COP1: variants seen among roughly 807,000 people sequenced by gnomAD.
COP1 encodes the protein COP1 E3 ubiquitin ligase.
COP1 carries 24 observed loss-of-function variants against 101.3 expected under a neutral mutation model. The ratio of observed to expected loss-of-function variants is 0.24; its 90% CI spans 0.17 to 0.33. The LOEUF is 0.33. Among genes scored for constraint, COP1 ranks in the 10% least tolerant of loss-of-function variants. The pLI is 1.00. For synonymous variants in COP1, 347 were observed against 341.9 expected, an observed-to-expected ratio of 1.01 and a Z score of -0.17; for missense variants, 663 against 906.2, an observed-to-expected ratio of 0.73 and a Z score of 3.45.
intron 5 of COP1, among the ~76,000 whole-genome samples, chr1:176,149,998 C>T (rs374994751): frequency 1.3e-5 from 2 of 152,050 alleles, no homozygotes; most frequent in Non-Finnish European, 2.9e-5. Flanking sequence ...GGCTATGCAA[C>T]AGAATTACCT....
chr1:176,034,881 C>G (rs1161617896), intron 14 of COP1, among the ~76,000 whole-genome samples: 1 of 152,128 alleles, frequency 6.6e-6, no homozygotes, highest in East Asian at 1.9e-4. Flanking sequence ...GCAACAATCA[C>G]CTAGGGAAAG....
intron 3 of COP1, among the ~76,000 whole-genome samples, chr1:176,167,659 A>AC (rs933107014): frequency 2.0e-5 from 3 of 152,158 alleles, no homozygotes; most frequent in African/African-American, 7.2e-5. Flanking sequence ...AGTACAAAAA[A>AC]AAATGCATTT....
intron 11 of COP1, among the ~76,000 whole-genome samples, chr1:176,078,163 CA>C (rs1678416939): frequency 6.6e-6 from 1 of 151,952 alleles, no homozygotes; most frequent in Non-Finnish European, 1.5e-5. Flanking sequence ...TCACATGGAA[CA>C]AAAAAAGAGC....
chr1:175,979,016 A>T (rs1227293919), intron 18 of COP1, among the ~76,000 whole-genome samples: 1 of 152,160 alleles, frequency 6.6e-6, no homozygotes, highest in Non-Finnish European at 1.5e-5. Flanking sequence ...ATTCATAATT[A>T]TAACTGTTTC....
intron 18 of COP1, among the ~76,000 whole-genome samples, chr1:175,977,116 G>A (rs536464045): frequency 2.6e-5 from 4 of 152,100 alleles, no homozygotes; most frequent in South Asian, 2.1e-4. Flanking sequence ...TCTTGAAGTC[G>A]GATTTACTTT....
chr1:176,164,345 C>T (rs1005039338), intron 3 of COP1, among the ~76,000 whole-genome samples: 1 of 152,198 alleles, frequency 6.6e-6, no homozygotes, highest in Non-Finnish European at 1.5e-5. Flanking sequence ...CAAAAACCAT[C>T]CTACTCTTTT....
At chr1:175,988,579 T>G (rs1657671235) in intron 16 of COP1, 167 bp from the exon 17 acceptor site, 1 of 560,300 alleles carries the variant, frequency 1.8e-6, no homozygotes, top group East Asian at 3.0e-5. Context: ...ACGCTTGTAT[T>G]CCAAGCAATT....
chr1:176,018,935 G>A (rs1666158522), intron 15 of COP1, among the ~76,000 whole-genome samples: 1 of 151,924 alleles, frequency 6.6e-6, no homozygotes, highest in African/African-American at 2.4e-5. Context: ...GGAGGCCGAG[G>A]CAAGTGGATC....
Position 176,097,868 on chromosome 1 carries a change from CAAAAAAAAA to C in COP1, c.1027-11987_1027-11979del, listed in dbSNP as rs35822200. On this transcript the variant is annotated intron_variant, in intron 9 of 19. Coordinates refer to ENST00000367669, the MANE Select transcript of COP1 (RefSeq NM_022457.7). ...TGGGCAACAGAGTGAAACTCCATCT[CAAAAAAAAA>C]AAAAAAAAAAGCTCTAATTAATTGG... Among the ~76,000 whole-genome samples, 124 of 79,350 alleles carry C rather than the reference CAAAAAAAAA, an allele frequency of 1.6e-3. 1 individual carries two copies. In the Middle Eastern group the frequency reaches 0.019, roughly 12 times the overall value. The allele number at this position is 79,350 out of a possible 152,430, so 52.1% of individuals were successfully genotyped here.
At chr1:176,051,912 C>A (rs1206767000) in intron 11 of COP1, among the ~76,000 whole-genome samples, 3 of 151,286 alleles carry the variant, frequency 2.0e-5, no homozygotes, top group Non-Finnish European at 1.5e-5. Flanking sequence ...AAAAAAATCA[C>A]AAAGTCAAAA....
chr1:176,006,034 G>C (rs1462042553), intron 15 of COP1, among the ~76,000 whole-genome samples: 2 of 152,180 alleles, frequency 1.3e-5, no homozygotes, highest in African/African-American at 4.8e-5. Flanking sequence ...GGGTGCCCTT[G>C]TATTGGGTGC....
intron 18 of COP1, chr1:175,968,566 AC>A (rs779644714): frequency 2.0e-6 from 1 of 501,736 alleles, no homozygotes; most frequent in South Asian, 1.5e-5. Context: ...TATTAAGAAG[AC>A]TTTTGTTAAC....
At chr1:176,085,061 C>T (rs1281140441) in intron 10 of COP1, among the ~76,000 whole-genome samples, 3 of 152,110 alleles carry the variant, frequency 2.0e-5, no homozygotes, top group Admixed American at 6.6e-5. Flanking sequence ...AGAGGAAAAA[C>T]TAAATTACTT....
chr1:176,172,206 C>T (rs964826282), intron 3 of COP1, among the ~76,000 whole-genome samples: 6 of 152,142 alleles, frequency 3.9e-5, no homozygotes, highest in East Asian at 1.9e-4. Context: ...CATACCAACA[C>T]GCCTGGCTAA....
chr1:176,079,961 T>A (rs1678798486), intron 11 of COP1, among the ~76,000 whole-genome samples: 1 of 151,588 alleles, frequency 6.6e-6, no homozygotes, highest in Non-Finnish European at 1.5e-5. Context: ...AGTCTGAGGA[T>A]CGCCTAGGCA....
At chr1:176,195,298 C>A (rs933623260) in intron 1 of COP1, among the ~76,000 whole-genome samples, 2 of 152,130 alleles carry the variant, frequency 1.3e-5, no homozygotes, top group Non-Finnish European at 2.9e-5. Context: ...AATTCACCAA[C>A]GCTAAATCTG....
intron 8 of COP1, among the ~76,000 whole-genome samples, chr1:176,133,214 ATACGTATATACG>A (rs66568692): frequency 0.39 from 56,409 of 144,694 alleles, 11,881 homozygotes; most frequent in Admixed American, 0.44. Flanking sequence ...ATGTACACAC[ATACGTATATACG>A]TACGTATATG....
intron 9 of COP1, among the ~76,000 whole-genome samples, chr1:176,090,915 A>G (rs1414443588): frequency 6.6e-6 from 1 of 152,216 alleles, no homozygotes; most frequent in Non-Finnish European, 1.5e-5. Flanking sequence ...ATCAAGTGAG[A>G]TAATTAAAAA....
At chr1:175,952,176 C>G (rs779644838) in intron 18 of COP1, among the ~76,000 whole-genome samples, 1 of 152,172 alleles carries the variant, frequency 6.6e-6, no homozygotes, top group Non-Finnish European at 1.5e-5. Flanking sequence ...AATCCCAGCA[C>G]TTTGGGAGGC....
Sources: allele counts gnomAD v4.1 joint callset (sites outside exome capture counted in the v4.1 genomes callset), GRCh38; gene constraint gnomAD v4.1.1; transcripts MANE v1.5; gene names NCBI Gene and HGNC (gene_info 2026-07-23, HGNC 2026-07-21).